RBMS3: variants seen among roughly 807,000 people sequenced by gnomAD.
RBMS3 encodes the protein RNA binding motif single stranded interacting protein 3, also known as RNA-binding motif, single-stranded-interacting protein 3.
A neutral mutation model predicts 66.8 loss-of-function variants in RBMS3; 27 were observed. The observed-to-expected ratio is 0.40, with a 90% CI of 0.30 to 0.56. The LOEUF is 0.56. Ranked by LOEUF, RBMS3 falls within the 20% of genes least tolerant of loss-of-function variation. RBMS3 has a pLI of 0.40. For missense variants in RBMS3, 513 were observed against 549.5 expected (o/e 0.93, Z 0.66); for synonymous variants, 188 against 183.0 (o/e 1.03, Z -0.22).
chr3:29,539,267 T>C (rs147314464), intron 3 of RBMS3, among the ~76,000 whole-genome samples: 80 of 152,350 alleles, frequency 5.3e-4, no homozygotes, highest in African/African-American at 1.9e-3. Flanking sequence ...CAGTTTCAAA[T>C]TGGATTGCAG....
At chr3:29,439,695 T>C (rs1397051911) in intron 2 of RBMS3, among the ~76,000 whole-genome samples, 1 of 152,100 alleles carries the variant, frequency 6.6e-6, no homozygotes, top group Admixed American at 6.6e-5. Flanking sequence ...GCCATGCTGG[T>C]GTGCTGCACC....
rs557577447 is a variant in RBMS3 at position 29,445,659 on chromosome 3, T to C, written c.248+10744T>C. On this transcript the variant is annotated intron_variant, in intron 2 of 14. Transcript: ENST00000383767. ...ATCTGTGTATTTGGCATAATAAAAA[T>C]GAAAGCTTTTTATCTGAAAATTGGC... Among the ~76,000 whole-genome samples, 5 of 152,230 alleles carry C rather than the reference T, an allele frequency of 3.3e-5. No individual in the cohort carries two copies. In the East Asian group the frequency reaches 9.7e-4, roughly 29 times the overall value.
intron 6 of RBMS3, among the ~76,000 whole-genome samples, chr3:29,770,780 G>A (rs961149721): frequency 1.3e-5 from 2 of 151,990 alleles, no homozygotes; most frequent in African/African-American, 4.8e-5. Context: ...CTATTAGGAA[G>A]CTGAGGGTTG....
chr3:29,995,994 C>T (rs1388360761), intron 14 of RBMS3, among the ~76,000 whole-genome samples: 2 of 152,086 alleles, frequency 1.3e-5, no homozygotes, highest in South Asian at 2.1e-4. Flanking sequence ...AGAGTCAAGA[C>T]CCATCAGTGT....
rs1310608203 is a variant in RBMS3 at position 30,008,860 on chromosome 3, AC to A, written c.*4999del. On this transcript the variant is annotated 3_prime_UTR_variant, in exon 15 of 15. Transcript: ENST00000383767. Reference sequence around the variant, plus strand: ...CGGATTACATAGCATTCAGGAAAGTACAAAAACTAAACACTAAATCCCCAAC... The same window carrying A: ...CGGATTACATAGCATTCAGGAAAGTAAAAAACTAAACACTAAATCCCCAAC... 1 of 152,076 alleles carries A rather than the reference AC, an allele frequency of 6.6e-6. No individual in the cohort carries two copies. Among genetic ancestry groups the A allele is most frequent in the Non-Finnish European group, 1.5e-5 (1 of 67,974 alleles). 9.4% of individuals were successfully genotyped at this position (152,076 alleles called of 1,614,324 possible). A position where few individuals can be genotyped will look rare whatever the true frequency, so the allele number is the denominator to read the frequency against.
At chr3:29,891,898 C>T (rs2060009586) in intron 8 of RBMS3, among the ~76,000 whole-genome samples, 1 of 151,298 alleles carries the variant, frequency 6.6e-6, no homozygotes, top group Non-Finnish European at 1.5e-5. Context: ...ATTTATGGTT[C>T]CAGCCCTAAC....
At chr3:29,922,244 T>G (rs1458519239) in intron 10 of RBMS3, among the ~76,000 whole-genome samples, 1 of 151,980 alleles carries the variant, frequency 6.6e-6, no homozygotes, top group Non-Finnish European at 1.5e-5. Flanking sequence ...TCCCAGCACT[T>G]TGGGAGGCCG....
At chr3:29,450,917 ACACACACACACACACC>A (rs1226088859) in intron 2 of RBMS3, among the ~76,000 whole-genome samples, 17 of 120,206 alleles carry the variant, frequency 1.4e-4, no homozygotes, top group Admixed American at 1.3e-3. Context: ...ACACACACAC[ACACACACACACACACC>A]CCCCACACAC....
chr3:29,554,270 G>A (rs1229469143), intron 3 of RBMS3, among the ~76,000 whole-genome samples: 2 of 152,150 alleles, frequency 1.3e-5, no homozygotes, highest in African/African-American at 4.8e-5. Flanking sequence ...CCAATGAATT[G>A]ATGTGCTATC....
intron 3 of RBMS3, among the ~76,000 whole-genome samples, chr3:29,554,930 T>G (rs564185019): frequency 2.0e-5 from 3 of 152,150 alleles, no homozygotes; most frequent in Non-Finnish European, 4.4e-5. Context: ...AGTGCTTCAG[T>G]AGAAAGATGG....
At chr3:29,458,624 AT>A (rs1450502488) in intron 2 of RBMS3, among the ~76,000 whole-genome samples, 1 of 152,090 alleles carries the variant, frequency 6.6e-6, no homozygotes, top group East Asian at 1.9e-4. Flanking sequence ...TTGTATTGTT[AT>A]TTTTTATTGT....
At chr3:29,357,016 G>A (rs890213561) in intron 1 of RBMS3, among the ~76,000 whole-genome samples, 8 of 152,036 alleles carry the variant, frequency 5.3e-5, no homozygotes, top group African/African-American at 1.4e-4. Context: ...GGGAAAAATA[G>A]TGGGTACAAT....
At chr3:29,402,864 T>C (rs1483591754) in intron 1 of RBMS3, among the ~76,000 whole-genome samples, 1 of 152,040 alleles carries the variant, frequency 6.6e-6, no homozygotes, top group East Asian at 1.9e-4. Context: ...GCTAGGATGA[T>C]AAACTGGAGT....
intron 3 of RBMS3, among the ~76,000 whole-genome samples, chr3:29,516,868 A>G (rs774751159): frequency 6.6e-6 from 1 of 152,190 alleles, no homozygotes; most frequent in African/African-American, 2.4e-5. Flanking sequence ...TGAGTTAGCA[A>G]TTAGGTTATC....
intron 1 of RBMS3, among the ~76,000 whole-genome samples, chr3:29,369,417 C>T (rs76794013): frequency 0.15 from 22,478 of 150,588 alleles, 1,971 homozygotes; most frequent in East Asian, 0.29. Context: ...TTTGCACCAA[C>T]CTAATAGTCA....
intron 10 of RBMS3, among the ~76,000 whole-genome samples, chr3:29,910,982 G>T (rs1375504019): frequency 6.6e-6 from 1 of 151,920 alleles, no homozygotes; most frequent in Non-Finnish European, 1.5e-5. Context: ...AGAACAATTG[G>T]TTTCCCTCCC....
chr3:29,644,121 T>G (rs1482178578), intron 4 of RBMS3, among the ~76,000 whole-genome samples: 2 of 152,192 alleles, frequency 1.3e-5, no homozygotes, highest in Non-Finnish European at 2.9e-5. Context: ...AGAGGGGAAT[T>G]CTAGTCACTA....
At chr3:29,992,455 C>T (rs1698948523) in intron 14 of RBMS3, among the ~76,000 whole-genome samples, 2 of 151,858 alleles carry the variant, frequency 1.3e-5, no homozygotes, top group South Asian at 2.1e-4. Context: ...GGCATGGTGG[C>T]GGGTGCCTGT....
intron 1 of RBMS3, among the ~76,000 whole-genome samples, chr3:29,298,168 A>G (rs114937136): frequency 6.6e-6 from 1 of 152,024 alleles, no homozygotes; most frequent in African/African-American, 2.4e-5. Flanking sequence ...GGTGTTTAAT[A>G]AGTGTCAATT....
Sources: gnomAD v4.1 joint callset for allele counts (sites outside exome capture counted in the v4.1 genomes callset) on GRCh38, gnomAD v4.1.1 for gene constraint, MANE v1.5 for transcripts, NCBI Gene and HGNC (gene_info 2026-07-23, HGNC 2026-07-21) for gene names.